Variants in TNFAIP8 observed in about 807,000 individuals in gnomAD.
The protein encoded by TNFAIP8 is TNF alpha induced protein 8.
In TNFAIP8, 7 loss-of-function variants were observed where a neutral mutation model predicts 13.3. That is an observed-to-expected ratio of 0.52 (90% CI 0.30 to 0.99). The LOEUF (loss-of-function observed/expected upper bound fraction) is 0.99. TNFAIP8 is among the 50% of genes least tolerant of loss of function. The pLI is 0.07. For missense variants in TNFAIP8, 258 were observed against 236.9 expected (o/e 1.09, Z -0.58); for synonymous variants, 94 against 87.6 (o/e 1.07, Z -0.41).
chr5:119,298,798 G>C (rs962600151), intron 1 of TNFAIP8, among the ~76,000 whole-genome samples: 23 of 152,168 alleles, frequency 1.5e-4, no homozygotes, highest in African/African-American at 5.3e-4. Context: ...TAGAGGCTTT[G>C]TTCGTTTCTT....
intron 1 of TNFAIP8, chr5:119,333,600 G>A: frequency 6.5e-7 from 1 of 1,535,588 alleles, no homozygotes; most frequent in Non-Finnish European, 8.7e-7. Context: ...TTGTCCTTCT[G>A]ATTGCACACG....
At chr5:119,320,212 A>C (rs1012737555) in intron 1 of TNFAIP8, among the ~76,000 whole-genome samples, 1 of 152,160 alleles carries the variant, frequency 6.6e-6, no homozygotes, top group Non-Finnish European at 1.5e-5. Flanking sequence ...GAAAATGAAA[A>C]ATGAAGATAC....
chr5:119,371,289 C>T (rs1207069886), intron 1 of TNFAIP8, among the ~76,000 whole-genome samples: 2 of 152,120 alleles, frequency 1.3e-5, no homozygotes, highest in South Asian at 2.1e-4. Flanking sequence ...AGCACTTGTT[C>T]GTTGCCTATA....
At chr5:119,287,087 C>G (rs1748821516) in intron 1 of TNFAIP8, among the ~76,000 whole-genome samples, 1 of 152,132 alleles carries the variant, frequency 6.6e-6, no homozygotes, top group Non-Finnish European at 1.5e-5. Flanking sequence ...TTAGCCTACC[C>G]TTTAGGAGCC....
In TNFAIP8 at chr5:119,345,324, C is replaced by T. The variant is rs190558629; in HGVS notation, c.2-47492C>T. On this transcript the variant is annotated intron_variant, in intron 1 of 1. Coordinates refer to the TNFAIP8 transcript ENST00000274456. ...TAGCTAGGAAAACAATATGACAGTT[C>T]CTTTAAAAATGAAAAATAGAATTAC... Among the ~76,000 whole-genome samples the T allele has an allele frequency of 8.7e-3, 1,321 of 152,106 alleles. 13 individuals carry two copies. The highest frequency in any genetic ancestry group is 0.013 in the Non-Finnish European group (873 of 67,980).
At chr5:119,293,111 A>G (rs1443410646) in intron 1 of TNFAIP8, among the ~76,000 whole-genome samples, 1 of 152,140 alleles carries the variant, frequency 6.6e-6, no homozygotes, top group African/African-American at 2.4e-5. Context: ...ACATGTGTGT[A>G]CAACATGATT....
chr5:119,322,813 C>T (rs1179633573), intron 1 of TNFAIP8, among the ~76,000 whole-genome samples: 7 of 152,168 alleles, frequency 4.6e-5, no homozygotes, highest in African/African-American at 1.4e-4. Flanking sequence ...CTCTACATGC[C>T]GGTGCCTCCC....
At chr5:119,339,556 C>A (rs957025255) in intron 1 of TNFAIP8, among the ~76,000 whole-genome samples, 9 of 151,044 alleles carry the variant, frequency 6.0e-5, no homozygotes, top group Admixed American at 2.0e-4. Context: ...TTGCCAACCC[C>A]TGATGACAAA....
Position 119,394,534 on chromosome 5 carries a change from G to A in TNFAIP8, c.*1153G>A, listed in dbSNP as rs1307466418. 2.0e-5 allele frequency: 3 copies of A among 151,208 alleles called. No individual in the cohort carries two copies. The highest frequency in any genetic ancestry group is 7.3e-5 in the African/African-American group (3 of 40,964). 9.4% of individuals were successfully genotyped at this position (151,208 alleles called of 1,614,324 possible). A position where few individuals can be genotyped will look rare whatever the true frequency, so the allele number is the denominator to read the frequency against. On this transcript the variant is annotated 3_prime_UTR_variant, in exon 2 of 2. Transcript: ENST00000504771. ...TTTTGTAAAAAAGAAATGAAAATCT[G>A]CTGGCCAGCTATGTCCTCTAGGAAA...
chr5:119,326,326 C>G (rs1398631295), intron 1 of TNFAIP8, among the ~76,000 whole-genome samples: 2 of 152,180 alleles, frequency 1.3e-5, no homozygotes, highest in Non-Finnish European at 2.9e-5. Flanking sequence ...GGAGTGGGAG[C>G]AGTGACTGGC....
chr5:119,351,393 C>A (rs140601332), upstream of TNFAIP8, among the ~76,000 whole-genome samples: 403 of 129,182 alleles, frequency 3.1e-3, 2 homozygotes, highest in African/African-American at 0.014. Context: ...AACACCCATA[C>A]AACCATTCTG....
intron 1 of TNFAIP8, among the ~76,000 whole-genome samples, chr5:119,385,576 T>C (rs1033493688): frequency 6.6e-6 from 1 of 152,158 alleles, no homozygotes; most frequent in Non-Finnish European, 1.5e-5. Flanking sequence ...ACTAAATCTA[T>C]TGCTAACAAG....
intron 1 of TNFAIP8, among the ~76,000 whole-genome samples, chr5:119,329,987 G>T (rs1750324449): frequency 6.6e-6 from 1 of 152,048 alleles, no homozygotes. Context: ...TTCCTTCTCA[G>T]CCTGCCTTCC....
intron 1 of TNFAIP8, among the ~76,000 whole-genome samples, chr5:119,291,939 A>G (rs1749002016): frequency 1.3e-5 from 2 of 152,344 alleles, no homozygotes; most frequent in East Asian, 1.9e-4. Context: ...TGACCCATAC[A>G]GGACCTAAAG....
At chr5:119,341,387 A>G (rs925978878) in intron 1 of TNFAIP8, among the ~76,000 whole-genome samples, 4 of 151,986 alleles carry the variant, frequency 2.6e-5, no homozygotes, top group African/African-American at 9.7e-5. Flanking sequence ...GGTCTCATCT[A>G]AAGGCATTGA....
At chr5:119,326,944 C>G (rs764251352) in intron 1 of TNFAIP8, among the ~76,000 whole-genome samples, 14 of 152,142 alleles carry the variant, frequency 9.2e-5, no homozygotes, top group African/African-American at 3.4e-4. Context: ...AATTAGTGAG[C>G]CTCTTCCAGA....
intron 1 of TNFAIP8, among the ~76,000 whole-genome samples, chr5:119,296,393 T>C (rs1488862865): frequency 6.6e-6 from 1 of 151,968 alleles, no homozygotes; most frequent in African/African-American, 2.4e-5. Flanking sequence ...TCATGTGGTT[T>C]TTGTCTTTGG....
At chr5:119,330,373 C>T (rs1750339944) in intron 1 of TNFAIP8, among the ~76,000 whole-genome samples, 1 of 152,164 alleles carries the variant, frequency 6.6e-6, no homozygotes, top group Admixed American at 6.5e-5. Context: ...CAAATGTCAT[C>T]ACTCTTTTGA....
At chr5:119,320,018 C>G (rs1015618886) in intron 1 of TNFAIP8, among the ~76,000 whole-genome samples, 8 of 152,092 alleles carry the variant, frequency 5.3e-5, no homozygotes, top group African/African-American at 1.9e-4. Context: ...GATCATGAAC[C>G]ATGGGTTGGT....
Sources: allele counts gnomAD v4.1 joint callset (sites outside exome capture counted in the v4.1 genomes callset), GRCh38; gene constraint gnomAD v4.1.1; transcripts MANE v1.5; gene names NCBI Gene and HGNC (gene_info 2026-07-23, HGNC 2026-07-21).